The following LCORL variants were observed in gnomAD, a reference collection of about 807,000 sequenced individuals.
LCORL encodes the protein ligand dependent nuclear receptor corepressor like.
Under a neutral mutation model 141.8 loss-of-function variants are expected in LCORL, and 41 were observed. The ratio of observed to expected loss-of-function variants is 0.29; its 90% CI spans 0.23 to 0.38. LCORL has a LOEUF of 0.38. Among genes scored for constraint, LCORL ranks in the 10% least tolerant of loss-of-function variants. The probability of loss-of-function intolerance (pLI) is 1.00; values close to 1 mark genes in which losing one functional copy is unlikely to be tolerated. For synonymous variants in LCORL, 618 were observed against 694.1 expected (o/e 0.89, Z 1.72); for missense variants, 1,759 against 2,035.0 (o/e 0.86, Z 2.61).
At chr4:17,878,964 A>G (rs1323710230) in intron 6 of LCORL, among the ~76,000 whole-genome samples, 2 of 151,058 alleles carry the variant, frequency 1.3e-5, no homozygotes, top group Non-Finnish European at 3.0e-5. Flanking sequence ...TTTTTTTTTA[A>G]TCCAATACCA....
At chr4:17,886,523 T>C (rs1172433205) in intron 5 of LCORL, among the ~76,000 whole-genome samples, 1 of 152,022 alleles carries the variant, frequency 6.6e-6, no homozygotes, top group Non-Finnish European at 1.5e-5. Flanking sequence ...TTTGGGAAGG[T>C]GGGAGTGATG....
At chr4:17,849,306 C>T (rs1485247090) in intron 7 of LCORL, among the ~76,000 whole-genome samples, 11 of 152,124 alleles carry the variant, frequency 7.2e-5, no homozygotes, top group African/African-American at 2.2e-4. Context: ...CTCACACGGC[C>T]GGGTACTCCT....
intron 1 of LCORL, among the ~76,000 whole-genome samples, chr4:17,994,900 T>C (rs1054166452): frequency 6.6e-6 from 1 of 152,030 alleles, no homozygotes; most frequent in African/African-American, 2.4e-5. Context: ...GCCCAATGCC[T>C]GGTCCATGCT....
At chr4:17,870,501 G>GCT (rs1244442750) in intron 7 of LCORL, among the ~76,000 whole-genome samples, 4 of 151,862 alleles carry the variant, frequency 2.6e-5, no homozygotes, top group African/African-American at 9.7e-5. Context: ...ACAATCCATC[G>GCT]CTCTCTCTCT....
intron 4 of LCORL, among the ~76,000 whole-genome samples, chr4:17,944,294 T>C (rs1224303536): frequency 1.3e-5 from 2 of 152,206 alleles, no homozygotes; most frequent in Non-Finnish European, 1.5e-5. Flanking sequence ...TACTAGGTCT[T>C]ACTCATTCAA....
chr4:17,986,670 T>A (rs1344720135), intron 1 of LCORL, among the ~76,000 whole-genome samples: 5 of 152,190 alleles, frequency 3.3e-5, no homozygotes, highest in South Asian at 2.1e-4. Context: ...AGCTCCCGTA[T>A]CATTTTGTGA....
At chr4:17,971,340 AGTCT>A (rs1418115310) in intron 2 of LCORL, among the ~76,000 whole-genome samples, 4 of 151,826 alleles carry the variant, frequency 2.6e-5, no homozygotes, top group African/African-American at 7.2e-5. Context: ...GCTTTTCTTC[AGTCT>A]AACAATTCTT....
At chr4:17,918,060 G>A (rs796976143) in intron 4 of LCORL, among the ~76,000 whole-genome samples, 20 of 152,314 alleles carry the variant, frequency 1.3e-4, no homozygotes, top group African/African-American at 3.8e-4. Flanking sequence ...AGAGTCTTAC[G>A]ATTGTAGACG....
Position 17,962,034 on chromosome 4 carries a change from TA to T in LCORL, c.301-3del. 2 of 1,576,206 alleles carry T rather than the reference TA, an allele frequency of 1.3e-6. No individual in the cohort carries two copies. Among genetic ancestry groups the T allele is most frequent in the Non-Finnish European group, 1.7e-6 (2 of 1,162,844 alleles). ...AGAATCAAGAGATGGTATACAATCCTAAAAGTATAAGAAAACAACAACATAC... is the reference window on the plus strand; with the variant it reads ...AGAATCAAGAGATGGTATACAATCCTAAAGTATAAGAAAACAACAACATAC... On this transcript the variant is annotated splice_polypyrimidine_tract_variant and splice_region_variant and intron_variant, in intron 3 of 7. Coordinates refer to ENST00000635767, the Ensembl canonical transcript of LCORL.
chr4:17,986,125 G>A (rs2109750659), intron 1 of LCORL, among the ~76,000 whole-genome samples: 1 of 152,306 alleles, frequency 6.6e-6, no homozygotes, highest in South Asian at 2.1e-4. Context: ...CTGCTGAGAG[G>A]TCTGCTATTA....
exon 5 of LCORL, chr4:17,909,186 T>C (rs773692858): frequency 6.2e-7 from 1 of 1,613,538 alleles, no homozygotes; most frequent in Non-Finnish European, 8.5e-7. Flanking sequence ...TTGATTCATT[T>C]GGATACTTTT....
chr4:17,925,656 G>T (rs1735006687), intron 4 of LCORL, among the ~76,000 whole-genome samples: 1 of 152,016 alleles, frequency 6.6e-6, no homozygotes, highest in Non-Finnish European at 1.5e-5. Context: ...CAGATCATGA[G>T]GTCAGAAGAT....
intron 5 of LCORL, among the ~76,000 whole-genome samples, chr4:17,906,685 T>C (rs1366183728): frequency 1.4e-5 from 2 of 146,910 alleles, no homozygotes; most frequent in Non-Finnish European, 3.0e-5. Context: ...ACTTTTAAAA[T>C]GCCTTTTTTT....
intron 6 of LCORL, chr4:17,883,801 T>C (rs1727925041): frequency 1.3e-6 from 2 of 1,550,668 alleles, no homozygotes; most frequent in South Asian, 2.4e-5. Flanking sequence ...GTAATCGTAG[T>C]TTCTTCTTCG....
intron 4 of LCORL, among the ~76,000 whole-genome samples, chr4:17,948,939 T>C (rs977285443): frequency 6.6e-6 from 1 of 151,940 alleles, no homozygotes; most frequent in African/African-American, 2.4e-5. Context: ...TCAAATACTG[T>C]AGGGTCTAAG....
At chr4:17,938,003 C>CTTT (rs201471488) in intron 4 of LCORL, among the ~76,000 whole-genome samples, 4,076 of 131,528 alleles carry the variant, frequency 0.031, 153 homozygotes, top group African/African-American at 0.06. Context: ...TAAACAATTT[C>CTTT]TTTTTTTTTT....
chr4:17,885,244 A>T (rs1257275638), intron 6 of LCORL, among the ~76,000 whole-genome samples: 5 of 151,956 alleles, frequency 3.3e-5, no homozygotes, highest in Non-Finnish European at 1.5e-5. Context: ...TTTCCACAAG[A>T]CTAATTTTTC....
intron 7 of LCORL, among the ~76,000 whole-genome samples, chr4:17,855,764 G>A (rs577017747): frequency 1.3e-5 from 2 of 152,332 alleles, no homozygotes; most frequent in South Asian, 4.1e-4. Flanking sequence ...CAGGACATAT[G>A]AGGGAGCCCA....
At chr4:17,948,643 G>C (rs1739258191) in intron 4 of LCORL, among the ~76,000 whole-genome samples, 1 of 151,950 alleles carries the variant, frequency 6.6e-6, no homozygotes, top group Non-Finnish European at 1.5e-5. Context: ...TGAAGCTTAA[G>C]GTTGTTCAGG....
Sources: allele counts gnomAD v4.1 joint callset (sites outside exome capture counted in the v4.1 genomes callset), GRCh38; gene constraint gnomAD v4.1.1; transcripts MANE v1.5; gene names NCBI Gene and HGNC (gene_info 2026-07-23, HGNC 2026-07-21).